Variants in KALRN observed in about 807,000 individuals in gnomAD.
KALRN encodes the protein kalirin RhoGEF kinase, also known as kalirin.
Under a neutral mutation model 353.7 loss-of-function variants are expected in KALRN, and 70 were observed. That is an observed-to-expected ratio of 0.20 (90% CI 0.16 to 0.24). KALRN has a LOEUF of 0.24. KALRN is among the 10% of genes least tolerant of loss of function. The pLI is 1.00. For missense variants in KALRN, 2,791 were observed against 3,756.7 expected (o/e 0.74, Z 6.72); for synonymous variants, 1,391 against 1,434.8 (o/e 0.97, Z 0.69).
intron 5 of KALRN, among the ~76,000 whole-genome samples, chr3:124,279,347 G>A (rs2075106770): frequency 6.6e-6 from 1 of 152,210 alleles, no homozygotes; most frequent in African/African-American, 2.4e-5. Context: ...CAGTATGGCT[G>A]GAGCCTTGAA....
chr3:124,271,792 C>T (rs910302489), intron 5 of KALRN, among the ~76,000 whole-genome samples: 9 of 152,226 alleles, frequency 5.9e-5, no homozygotes, highest in African/African-American at 2.2e-4. Context: ...GCTCATTCCA[C>T]AGCAGGGGCT....
intron 1 of KALRN, among the ~76,000 whole-genome samples, chr3:124,114,429 A>G (rs1310835295): frequency 2.6e-5 from 4 of 152,168 alleles, no homozygotes; most frequent in South Asian, 4.1e-4. Flanking sequence ...TGTGTGACAT[A>G]TGGGGACAGA....
chr3:124,425,057 A>G (rs2092954338), intron 15 of KALRN, among the ~76,000 whole-genome samples: 1 of 152,176 alleles, frequency 6.6e-6, no homozygotes, highest in South Asian at 2.1e-4. Context: ...TACTACATGC[A>G]TGTGGGAACT....
At chr3:124,367,506 G>C (rs2085021833) in intron 10 of KALRN, among the ~76,000 whole-genome samples, 1 of 108,332 alleles carries the variant, frequency 9.2e-6, no homozygotes, top group Non-Finnish European at 1.9e-5. Context: ...TGGCCGGGCG[G>C]GGGGGCTGAC....
intron 53 of KALRN, among the ~76,000 whole-genome samples, chr3:124,695,768 T>A (rs2062024136): frequency 6.6e-6 from 1 of 152,096 alleles, no homozygotes; most frequent in South Asian, 2.1e-4. Flanking sequence ...TCATTATCGA[T>A]CTGTGAAACT....
chr3:124,139,979 T>TCATATTGTACCCTAAAGGGCC (rs2066425643), intron 1 of KALRN, among the ~76,000 whole-genome samples: 3 of 152,242 alleles, frequency 2.0e-5, no homozygotes, highest in African/African-American at 7.2e-5. Context: ...CCCCTATCTT[T>TCATATTGTACCCTAAAGGGCC]CATATTGTAC....
At chr3:124,575,731 C>T (rs1392522149) in intron 34 of KALRN, among the ~76,000 whole-genome samples, 1 of 152,156 alleles carries the variant, frequency 6.6e-6, no homozygotes, top group Non-Finnish European at 1.5e-5. Flanking sequence ...AGCAATGTTG[C>T]ATCTTTCTGA....
intron 47 of KALRN, among the ~76,000 whole-genome samples, chr3:124,671,395 G>A (rs57877822): frequency 0.026 from 3,993 of 152,212 alleles, 70 homozygotes; most frequent in East Asian, 0.078. Context: ...CTCTTCCGAA[G>A]CTCTTTGTTA....
At chr3:124,545,603 G>A (rs1488024976) in intron 33 of KALRN, among the ~76,000 whole-genome samples, 1 of 152,194 alleles carries the variant, frequency 6.6e-6, no homozygotes, top group African/African-American at 2.4e-5. Flanking sequence ...TAGAAGAGAT[G>A]GAGTCTCTAG....
chr3:124,445,068 G>T (rs934699567), intron 19 of KALRN, among the ~76,000 whole-genome samples: 5 of 152,090 alleles, frequency 3.3e-5, no homozygotes, highest in Non-Finnish European at 2.9e-5. Flanking sequence ...TAACAACTCA[G>T]GCTCTGAAGT....
intron 1 of KALRN, among the ~76,000 whole-genome samples, chr3:124,104,978 G>A (rs2062164455): frequency 1.3e-5 from 2 of 152,130 alleles, no homozygotes; most frequent in Admixed American, 1.3e-4. Flanking sequence ...GGAAGGTAAG[G>A]CACACAAGAG....
chr3:124,479,764 C>G (rs2061785596), intron 27 of KALRN, among the ~76,000 whole-genome samples: 2 of 145,650 alleles, frequency 1.4e-5, no homozygotes, highest in South Asian at 4.4e-4. Flanking sequence ...CGCTCTGTTG[C>G]CCAGACTGGA....
chr3:124,311,858 T>A (rs1218467451), intron 6 of KALRN, among the ~76,000 whole-genome samples: 3 of 152,238 alleles, frequency 2.0e-5, no homozygotes, highest in Non-Finnish European at 4.4e-5. Context: ...ACAACATGGA[T>A]GGACCTTGAA....
At chr3:124,404,101 T>C (rs1165709971) in intron 13 of KALRN, among the ~76,000 whole-genome samples, 1 of 140,550 alleles carries the variant, frequency 7.1e-6, no homozygotes, top group Non-Finnish European at 1.5e-5. Context: ...CTCACTATTG[T>C]GTTGAACCAA....
intron 1 of KALRN, among the ~76,000 whole-genome samples, chr3:124,106,474 A>T (rs2062323446): frequency 6.6e-6 from 1 of 152,138 alleles, no homozygotes; most frequent in Non-Finnish European, 1.5e-5. Flanking sequence ...ACTGAAAAGT[A>T]TAGCAGCAAG....
At chr3:124,662,230 C>G (rs973118649) in intron 45 of KALRN, among the ~76,000 whole-genome samples, 1 of 87,952 alleles carries the variant, frequency 1.1e-5, no homozygotes, top group Non-Finnish European at 2.1e-5. Flanking sequence ...GAGACAGGTT[C>G]TTGCCCTGTC....
intron 3 of KALRN, among the ~76,000 whole-genome samples, chr3:124,260,253 A>G (rs2072650984): frequency 6.6e-6 from 1 of 152,198 alleles, no homozygotes; most frequent in African/African-American, 2.4e-5. Flanking sequence ...CTTGACAAAT[A>G]TATCTTCACA....
At chr3:124,234,264 G>T (rs1185050489) in intron 2 of KALRN, among the ~76,000 whole-genome samples, 2 of 152,096 alleles carry the variant, frequency 1.3e-5, no homozygotes. Flanking sequence ...GGCAGGGGTG[G>T]TTTTTTGGCT....
rs149854258 is a variant in KALRN at position 124,268,898 on chromosome 3, G to A, written c.612G>A (p.Ser204=). The change falls in exon 5 of 60, where the codon TCG becomes TCA. Residue 204 remains serine (S), a synonymous_variant. Transcript: ENST00000682506. ...TCAACAGCGCCGTGCACCTGCTCTC[G>A]CGCCTCGAGGACCTCCAGGAGATGC... ...EFFNSAVHLL[S]RLEDLQEMLA... is the part of the protein sequence containing the mutation. The A allele has an allele frequency of 3.1e-4, 496 of 1,613,902 alleles. No individual in the cohort carries two copies. The highest frequency in any genetic ancestry group is 3.9e-4 in the Non-Finnish European group (464 of 1,179,984).
Sources: allele counts gnomAD v4.1 joint callset (sites outside exome capture counted in the v4.1 genomes callset), GRCh38; gene constraint gnomAD v4.1.1; transcripts MANE v1.5; gene names NCBI Gene and HGNC (gene_info 2026-07-23, HGNC 2026-07-21).